The following THSD4 variants were observed in gnomAD, a reference collection of about 807,000 sequenced individuals.
The protein encoded by THSD4 is thrombospondin type-1 domain-containing protein 4.
In THSD4, 69 loss-of-function variants were observed where a neutral mutation model predicts 119.0. That is an observed-to-expected ratio of 0.58 (90% CI 0.48 to 0.71). THSD4 has a LOEUF of 0.71. Ranked by LOEUF, THSD4 falls within the 30% of genes least tolerant of loss-of-function variation. The pLI is 0.00. For missense variants in THSD4, 1,393 were observed against 1,391.1 expected (o/e 1.00, Z -0.02); for synonymous variants, 524 against 540.4 (o/e 0.97, Z 0.42).
chr15:71,585,425 T>G (rs530262178), intron 7 of THSD4, among the ~76,000 whole-genome samples: 1 of 152,232 alleles, frequency 6.6e-6, no homozygotes, highest in Non-Finnish European at 1.5e-5. Context: ...CTGCAAGGTT[T>G]CTGCCAAGAA....
At chr15:71,690,549 G>A (rs777930800) in intron 8 of THSD4, among the ~76,000 whole-genome samples, 11 of 152,162 alleles carry the variant, frequency 7.2e-5, no homozygotes, top group East Asian at 1.9e-4. Context: ...GCCTACTCCC[G>A]AGAACCTGTG....
chr15:71,727,492 T>A (rs2052865401), intron 8 of THSD4, among the ~76,000 whole-genome samples: 1 of 146,596 alleles, frequency 6.8e-6, no homozygotes, highest in African/African-American at 2.6e-5. Flanking sequence ...GCTCAGGAGT[T>A]TGAGACCAGC....
chr15:71,445,325 G>T (rs1165772437), intron 7 of THSD4, among the ~76,000 whole-genome samples: 1 of 152,044 alleles, frequency 6.6e-6, no homozygotes, highest in Admixed American at 6.5e-5. Context: ...CCTAAACTAG[G>T]AACAAACCTT....
intron 7 of THSD4, among the ~76,000 whole-genome samples, chr15:71,441,154 C>T (rs2047082624): frequency 6.6e-6 from 1 of 152,064 alleles, no homozygotes; most frequent in Non-Finnish European, 1.5e-5. Context: ...GGGTTCAGTG[C>T]AGGGTGCATT....
At chr15:71,145,508 A>G (rs796757949) in intron 2 of THSD4, among the ~76,000 whole-genome samples, 15 of 152,320 alleles carry the variant, frequency 9.8e-5, no homozygotes, top group African/African-American at 3.6e-4. Context: ...ACTTCAGTAA[A>G]GTATTATTAC....
At chr15:71,208,920 G>C (rs1294062462) in intron 3 of THSD4, among the ~76,000 whole-genome samples, 1 of 152,132 alleles carries the variant, frequency 6.6e-6, no homozygotes, top group Non-Finnish European at 1.5e-5. Flanking sequence ...GGGATATCAG[G>C]TTTGGAGGAT....
chr15:71,736,274 ACT>A (rs1298186266), intron 10 of THSD4, among the ~76,000 whole-genome samples: 3 of 58,058 alleles, frequency 5.2e-5, no homozygotes, highest in Non-Finnish European at 7.5e-5. Flanking sequence ...TCTGTCTCAC[ACT>A]CTGTCTCTCT....
chr15:71,106,057 G>A lies in THSD4; in HGVS notation c.-80+9051G>A, dbSNP rs115584947. Among the ~76,000 whole-genome samples, 745 of 152,242 alleles carry A rather than the reference G, an allele frequency of 4.9e-3. 11 individuals are homozygous for A. The highest frequency in any genetic ancestry group is 0.017 in the African/African-American group (726 of 41,530). ...ACTTGAAGCACCTGCCAAAATATCC[G>A]GGAAATGGGAGCCTGGAGGTGAGGG... On this transcript the variant is annotated intron_variant, in intron 1 of 17. Coordinates refer to the THSD4 transcript ENST00000355327.
intron 6 of THSD4, among the ~76,000 whole-genome samples, chr15:71,271,464 G>A (rs2140303926): frequency 6.6e-6 from 1 of 152,314 alleles, no homozygotes; most frequent in East Asian, 1.9e-4. Flanking sequence ...GTTTGCCTAT[G>A]CAGGTGGGAG....
chr15:71,530,092 C>T (rs927855664), intron 7 of THSD4, among the ~76,000 whole-genome samples: 22 of 152,136 alleles, frequency 1.4e-4, no homozygotes, highest in African/African-American at 4.8e-4. Flanking sequence ...GTAGTTGCAG[C>T]CTTCAAAACT....
At position 71,471,086 on chromosome 15, in the gene THSD4, C is replaced by T. The variant is rs540424229; in HGVS notation, c.1152+59263C>T. Among the ~76,000 whole-genome samples the T allele has an allele frequency of 2.0e-5, 3 of 152,282 alleles. No individual in the cohort carries two copies. In the East Asian group the frequency reaches 5.8e-4, roughly 29 times the overall value. On this transcript the variant is annotated intron_variant, in intron 7 of 17. Coordinates refer to ENST00000261862, the MANE Select transcript of THSD4 (RefSeq NM_024817.3). ...AGAACTTGCTGGTTTTGGGATAACC[C>T]CTTGGCCTTGATGCCTGTCGGTTCC... is the stretch of plus-strand genomic sequence containing the variant.
chr15:71,188,270 A>G (rs2043632311), intron 3 of THSD4, among the ~76,000 whole-genome samples: 1 of 152,098 alleles, frequency 6.6e-6, no homozygotes, highest in Non-Finnish European at 1.5e-5. Flanking sequence ...AAGGATGATG[A>G]TGACTCAAAA....
chr15:71,680,863 C>T (rs1024465323), intron 8 of THSD4, among the ~76,000 whole-genome samples: 4 of 150,922 alleles, frequency 2.7e-5, no homozygotes, highest in African/African-American at 9.7e-5. Context: ...GCATCTAGCA[C>T]AATGACTGGC....
chr15:71,249,036 A>G (rs1172430549), intron 5 of THSD4, among the ~76,000 whole-genome samples: 1 of 152,074 alleles, frequency 6.6e-6, no homozygotes, highest in Non-Finnish European at 1.5e-5. Context: ...TTTTTGCAGC[A>G]TTTGTCTTTC....
At chr15:71,510,751 C>T (rs1595842218) in intron 7 of THSD4, among the ~76,000 whole-genome samples, 1 of 152,188 alleles carries the variant, frequency 6.6e-6, no homozygotes, top group Non-Finnish European at 1.5e-5. Flanking sequence ...GGGGATAAAC[C>T]TCATGCTTAA....
rs911866445 is a variant in THSD4 at position 71,286,076 on chromosome 15, A to G, written c.1015+29361A>G. 2.0e-5 allele frequency among the ~76,000 whole-genome samples: 3 copies of G among 152,024 alleles called. 1 individual carries two copies. The highest frequency in any genetic ancestry group is 7.3e-5 in the African/African-American group (3 of 41,376). Reference sequence around the variant, plus strand: ...TTTGTTCTACGCATCTTAGATTGTGACCAGTTTACTCTAAGTTGGGTTTGG... The same window carrying G: ...TTTGTTCTACGCATCTTAGATTGTGGCCAGTTTACTCTAAGTTGGGTTTGG... On this transcript the variant is annotated intron_variant, in intron 6 of 17. Transcript: ENST00000261862.
chr15:71,118,897 C>T (rs1335020975), intron 1 of THSD4, among the ~76,000 whole-genome samples: 2 of 152,190 alleles, frequency 1.3e-5, no homozygotes, highest in African/African-American at 4.8e-5. Context: ...TTTTACTCCT[C>T]CTCCGCAGGA....
intron 6 of THSD4, among the ~76,000 whole-genome samples, chr15:71,276,318 A>G (rs114660283): frequency 1.8e-3 from 269 of 152,286 alleles, no homozygotes; most frequent in African/African-American, 6.0e-3. Flanking sequence ...TCATGTTGTC[A>G]CCCCGCATCT....
intron 7 of THSD4, among the ~76,000 whole-genome samples, chr15:71,600,332 C>T (rs750126455): frequency 5.9e-5 from 9 of 152,160 alleles, no homozygotes; most frequent in Non-Finnish European, 1.3e-4. Context: ...GCTATACTCC[C>T]CTTCTGAATT....
Sources: gnomAD v4.1 joint callset for allele counts (sites outside exome capture counted in the v4.1 genomes callset) on GRCh38, gnomAD v4.1.1 for gene constraint, MANE v1.5 for transcripts, NCBI Gene and HGNC (gene_info 2026-07-23, HGNC 2026-07-21) for gene names.